The following ATAD3B variants were observed in gnomAD, a reference collection of about 807,000 sequenced individuals.
ATAD3B encodes ATPase family AAA domain-containing protein 3B.
ATAD3B carries 59 observed loss-of-function variants against 70.2 expected under a neutral mutation model. The observed-to-expected ratio is 0.84, with a 90% CI of 0.68 to 1.04. The LOEUF is 1.04. Among genes scored for constraint, ATAD3B ranks in the 50% least tolerant of loss-of-function variants. ATAD3B has a pLI of 0.00. For synonymous variants in ATAD3B, 423 were observed against 388.6 expected (o/e 1.09, Z -1.04); for missense variants, 961 against 913.4 (o/e 1.05, Z -0.67).
chr1:1,478,256 C>T (rs1247902791), intron 2 of ATAD3B: 2 of 649,452 alleles, frequency 3.1e-6, no homozygotes, highest in Non-Finnish European at 2.5e-6. Context: ...TTTGGCCTCA[C>T]AAAGTGCTGG....
chr1:1,494,119 G>A (rs934430588), intron 15 of ATAD3B, among the ~76,000 whole-genome samples: 1 of 144,324 alleles, frequency 6.9e-6, no homozygotes, highest in African/African-American at 2.6e-5. Flanking sequence ...TCCCGGGCCC[G>A]GGGCCTTCCC....
intron 4 of ATAD3B, among the ~76,000 whole-genome samples, chr1:1,480,334 C>T (rs1225496148): frequency 1.4e-5 from 2 of 146,144 alleles, no homozygotes; most frequent in African/African-American, 5.1e-5. Context: ...CGACAAGCCT[C>T]CTTGTCTCCC....
Position 1,477,270 on chromosome 1 carries a change from G to C in ATAD3B, c.206-4G>C. The C allele has an allele frequency of 3.7e-6, 6 of 1,612,222 alleles. No homozygotes were observed. Among genetic ancestry groups the C allele is most frequent in the Non-Finnish European group, 5.1e-6 (6 of 1,179,588 alleles). On this transcript the variant is annotated splice_region_variant and splice_polypyrimidine_tract_variant and intron_variant, in intron 1 of 15. Transcript: ENST00000673477. ...CCTGCTCTCCGTGCCACATGCGCCCGCAGGTTACGCCAAGGAGGCCCTGAA... is the reference window on the plus strand; with the variant it reads ...CCTGCTCTCCGTGCCACATGCGCCCCCAGGTTACGCCAAGGAGGCCCTGAA...
At chr1:1,482,964 G>T (rs897839372) in intron 7 of ATAD3B, 3 of 483,440 alleles carry the variant, frequency 6.2e-6, no homozygotes, top group Non-Finnish European at 1.2e-5. Context: ...TTGCACCACT[G>T]CACTCCATTC....
chr1:1,489,719 A>G (rs1640427112), intron 13 of ATAD3B: 2 of 1,311,376 alleles, frequency 1.5e-6, no homozygotes, highest in Non-Finnish European at 2.0e-6. Context: ...ACGGAGGATC[A>G]AGTCCTGCTG....
chr1:1,486,912 G>T (rs1640250935), intron 11 of ATAD3B, among the ~76,000 whole-genome samples: 1 of 150,910 alleles, frequency 6.6e-6, no homozygotes, highest in South Asian at 2.1e-4. Context: ...CAGAAGGGAG[G>T]TGGGTGGGTG....
rs1430381921 is a variant in ATAD3B at position 1,472,060 on chromosome 1, C to T, written c.176C>T (p.Ala59Val). ...NFDPTGLERAAKAARELEHSR... is the reference protein window; with the variant it reads ...NFDPTGLERAVKAARELEHSR... ...GACCCCACCGGCCTGGAGCGCGCCG[C>T]CAAGGCGGCGCGCGAGCTGGAGCAC... The change falls in exon 1 of 16, where the codon GCC becomes GTC. Residue 59 changes from alanine (A) to valine (V), a missense_variant. Around this residue, in one of 4 missense-constraint regions of ATAD3B, gnomAD observed 187 missense variants for 244.3 expected, o/e 0.77. Coordinates refer to ENST00000673477, the MANE Select transcript of ATAD3B (RefSeq NM_031921.6). 4.9e-6 allele frequency: 6 copies of T among 1,219,446 alleles called. No individual in the cohort carries two copies. Among genetic ancestry groups the T allele is most frequent in the Non-Finnish European group, 6.1e-6 (6 of 978,546 alleles). 75.5% of individuals were successfully genotyped at this position (1,219,446 alleles called of 1,614,324 possible).
rs1640302872 is a variant in ATAD3B, at chr1:1,487,755, G to T, written c.1215-108G>T. The T allele has an allele frequency of 7.2e-6, 10 of 1,381,140 alleles. No homozygotes were observed. In the East Asian group the frequency reaches 2.3e-4, roughly 32 times the overall value. 85.6% of individuals were successfully genotyped at this position (1,381,140 alleles called of 1,614,324 possible). A position where few individuals can be genotyped will look rare whatever the true frequency, so the allele number is the denominator to read the frequency against. On this transcript the variant is annotated intron_variant, in intron 11 of 15. Coordinates refer to ENST00000673477, the MANE Select transcript of ATAD3B (RefSeq NM_031921.6). ...TAGGGCTCCTGATGGGGCAGAGCCT[G>T]ACCCCGTGGGGATCTGCCTGCCTGG...
At chr1:1,503,714 A>T in the ATAD3B span, 1 of 1,600,956 alleles carries the variant, frequency 6.2e-7, no homozygotes, top group Non-Finnish European at 8.5e-7. Flanking sequence ...GGGTTCGGGC[A>T]TGGAGATTGG....
In ATAD3B at chr1:1,482,077, G is replaced by A. The variant is rs1361181420; in HGVS notation, c.515-61G>A. 13 of 1,568,006 alleles carry A rather than the reference G, an allele frequency of 8.3e-6. 1 individual carries two copies. The highest frequency in any genetic ancestry group is 1.1e-5 in the Non-Finnish European group (13 of 1,156,042). On this transcript the variant is annotated intron_variant, in intron 5 of 15. Transcript: ENST00000673477. ...TCCGTGGCGTGGGCCGGTCCACAGT[G>A]TGGGTGGAGGTGGACGTGCTGCACT...
intron 13 of ATAD3B, 30 bp from the exon 14 acceptor site, chr1:1,490,227 A>T: frequency 6.2e-7 from 1 of 1,602,128 alleles, no homozygotes; most frequent in African/African-American, 1.3e-5. Context: ...TGGCAGCCCC[A>T]GCGTTTCCTT....
At chr1:1,481,254 C>T (rs1328706633) in intron 5 of ATAD3B, among the ~76,000 whole-genome samples, 1 of 93,750 alleles carries the variant, frequency 1.1e-5, no homozygotes, top group East Asian at 3.5e-4. Context: ...CTCACTGCAA[C>T]CTCTGCCTCC....
At chr1:1,506,540 C>T in the ATAD3B span, among the ~76,000 whole-genome samples, 2 of 151,884 alleles carry the variant, frequency 1.3e-5, no homozygotes, top group South Asian at 2.1e-4. Context: ...GGATTACCGG[C>T]GTGGGCCACG....
chr1:1,487,455 T>C (rs1384378151), intron 11 of ATAD3B, among the ~76,000 whole-genome samples: 2 of 146,778 alleles, frequency 1.4e-5, no homozygotes, highest in African/African-American at 5.1e-5. Context: ...GCCACTGCAC[T>C]CCAGCCTGGG....
At chr1:1,503,570 C>G in the ATAD3B span, 12 of 1,607,076 alleles carry the variant, frequency 7.5e-6, no homozygotes, top group Non-Finnish European at 9.3e-6. Context: ...CCCTCTGTGC[C>G]CCTGTGCCTG....
chr1:1,496,356 C>A lies in ATAD3B; in HGVS notation c.*539C>A. The A allele has an allele frequency of 1.5e-6, 1 of 681,920 alleles. No individual in the cohort carries two copies. Among genetic ancestry groups the A allele is most frequent in the Non-Finnish European group, 1.8e-6 (1 of 552,210 alleles). The allele number at this position is 681,920 out of a possible 1,614,324, so 42.2% of individuals were successfully genotyped here. ...TGTGCTTCACATCAGCCTCGCGCCA[C>A]ATCCGAGTTGGGGTCTGAATGCTGC... is the stretch of plus-strand genomic sequence containing the variant. On this transcript the variant is annotated 3_prime_UTR_variant, in exon 16 of 16. Coordinates refer to ENST00000673477, the MANE Select transcript of ATAD3B (RefSeq NM_031921.6).
chr1:1,506,147 A>G, the ATAD3B span, among the ~76,000 whole-genome samples: 8 of 152,160 alleles, frequency 5.3e-5, no homozygotes, highest in Non-Finnish European at 1.0e-4. Flanking sequence ...AGGCAGGAGA[A>G]TCACTTGAAC....
intron 15 of ATAD3B, among the ~76,000 whole-genome samples, chr1:1,492,995 C>T (rs1023582760): frequency 3.3e-5 from 5 of 151,656 alleles, no homozygotes; most frequent in African/African-American, 9.7e-5. Context: ...CCTGTAATCC[C>T]AGCTGCTCGG....
the ATAD3B span, among the ~76,000 whole-genome samples, chr1:1,508,231 C>T: frequency 6.6e-6 from 1 of 151,470 alleles, no homozygotes; most frequent in South Asian, 2.1e-4. Context: ...CGCTCCTGGG[C>T]CCCTGACCCA....
Sources: gnomAD v4.1 joint callset for allele counts (sites outside exome capture counted in the v4.1 genomes callset) on GRCh38, gnomAD v4.1.1 for gene constraint, gnomAD v4.1.1 regional missense constraint, MANE v1.5 for transcripts, NCBI Gene and HGNC (gene_info 2026-07-23, HGNC 2026-07-21) for gene names.